The following GULP1 variants were observed in gnomAD, a reference collection of about 807,000 sequenced individuals.
GULP1 encodes PTB domain-containing engulfment adapter protein 1.
In GULP1, 19 loss-of-function variants were observed where a neutral mutation model predicts 40.9. The observed-to-expected ratio is 0.46, with a 90% CI of 0.32 to 0.68. The LOEUF (loss-of-function observed/expected upper bound fraction) is 0.68. GULP1 is among the 30% of genes least tolerant of loss of function. The pLI is 0.03. For synonymous variants in GULP1, 119 were observed against 117.6 expected, an observed-to-expected ratio of 1.01 and a Z score of -0.08; for missense variants, 312 against 362.2, an observed-to-expected ratio of 0.86 and a Z score of 1.12.
At chr2:188,315,580 G>A (rs146666392) in intron 1 of GULP1, among the ~76,000 whole-genome samples, 60 of 151,990 alleles carry the variant, frequency 3.9e-4, no homozygotes, top group African/African-American at 1.3e-3. Flanking sequence ...TGTTAAGAAA[G>A]TACAAAATAA....
At chr2:188,333,297 AAGAC>A (rs944217256) in intron 1 of GULP1, among the ~76,000 whole-genome samples, 1 of 152,062 alleles carries the variant, frequency 6.6e-6, no homozygotes, top group African/African-American at 2.4e-5. Flanking sequence ...TACAGATAGA[AAGAC>A]AGATTAGAAG....
At chr2:188,556,167 T>C (rs1316403715) in intron 7 of GULP1, among the ~76,000 whole-genome samples, 1 of 152,180 alleles carries the variant, frequency 6.6e-6, no homozygotes, top group African/African-American at 2.4e-5. Flanking sequence ...GGAACACTGA[T>C]AATTTGAATT....
intron 10 of GULP1, among the ~76,000 whole-genome samples, 165 bp from the exon 11 acceptor site, chr2:188,587,690 G>A (rs1022067425): frequency 6.6e-6 from 1 of 152,054 alleles, no homozygotes; most frequent in Non-Finnish European, 1.5e-5. Flanking sequence ...CCTTGTTAAT[G>A]TTTAACTGGT....
chr2:188,440,842 C>T (rs576813913), intron 2 of GULP1, among the ~76,000 whole-genome samples: 2 of 152,210 alleles, frequency 1.3e-5, no homozygotes, highest in East Asian at 1.9e-4. Context: ...GATAAGATTC[C>T]ACTTGTATAT....
chr2:188,466,804 G>T (rs148107573), intron 2 of GULP1, among the ~76,000 whole-genome samples: 18 of 152,074 alleles, frequency 1.2e-4, no homozygotes, highest in Non-Finnish European at 2.4e-4. Flanking sequence ...TGTCTGGTAG[G>T]TATCTCAGAA....
chr2:188,383,776 C>T lies in GULP1; in HGVS notation c.-158C>T, dbSNP rs982561474. The T allele has an allele frequency of 6.6e-6, 1 of 151,836 alleles. No homozygotes were observed. The highest frequency in any genetic ancestry group is 2.4e-5 in the African/African-American group (1 of 41,364). 9.4% of individuals were successfully genotyped at this position (151,836 alleles called of 1,614,324 possible). A position where few individuals can be genotyped will look rare whatever the true frequency, so the allele number is the denominator to read the frequency against. ...TTTTCTTTTTAGTTATTTATGATTCCATCTGATATACATAGGAGAGAAACT... is the reference window on the plus strand; with the variant it reads ...TTTTCTTTTTAGTTATTTATGATTCTATCTGATATACATAGGAGAGAAACT... On this transcript the variant is annotated 5_prime_UTR_variant, in exon 2 of 12. Coordinates refer to ENST00000409830, the MANE Select transcript of GULP1 (RefSeq NM_016315.4).
At chr2:188,591,935 G>A (rs1703641302) in intron 11 of GULP1, 1 of 151,738 alleles carries the variant, frequency 6.6e-6, no homozygotes, top group Non-Finnish European at 1.5e-5. Flanking sequence ...CACTACATAA[G>A]TAAATAAAGT....
At chr2:188,549,499 G>C (rs1051248130) in intron 7 of GULP1, among the ~76,000 whole-genome samples, 6 of 151,730 alleles carry the variant, frequency 4.0e-5, no homozygotes, top group Admixed American at 6.6e-5. Context: ...CCAAATGCTG[G>C]TAAGAATGGG....
intron 6 of GULP1, among the ~76,000 whole-genome samples, chr2:188,539,407 A>G (rs1170425694): frequency 6.6e-6 from 1 of 152,154 alleles, no homozygotes; most frequent in African/African-American, 2.4e-5. Context: ...AAAAAAAATC[A>G]ATAAGAAAGG....
rs569520075 is a variant in GULP1, at chr2:188,575,148, T to C, written c.609+5028T>C. ...AAGGTTTTATGGTGTACATTTTAGTTTTGGTTTTGGTCTTCCTAGTCCCAC... is the reference window on the plus strand; with the variant it reads ...AAGGTTTTATGGTGTACATTTTAGTCTTGGTTTTGGTCTTCCTAGTCCCAC... On this transcript the variant is annotated intron_variant, in intron 9 of 11. Transcript: ENST00000409830. Among the ~76,000 whole-genome samples, 30 of 152,278 alleles carry C rather than the reference T, an allele frequency of 2.0e-4. 1 individual carries two copies. The highest frequency in any genetic ancestry group is 6.7e-4 in the African/African-American group (28 of 41,556).
At chr2:188,307,996 A>G (rs2037401255) in intron 1 of GULP1, among the ~76,000 whole-genome samples, 1 of 110,460 alleles carries the variant, frequency 9.1e-6, no homozygotes, top group Non-Finnish European at 1.9e-5. Context: ...TCACCAGTAG[A>G]CAAGGATGAG....
chr2:188,361,543 A>G (rs1201030534), intron 1 of GULP1, among the ~76,000 whole-genome samples: 2 of 152,120 alleles, frequency 1.3e-5, no homozygotes, highest in Non-Finnish European at 2.9e-5. Context: ...GCATAAAAAG[A>G]TCATTGTGAC....
intron 2 of GULP1, among the ~76,000 whole-genome samples, chr2:188,465,481 A>T (rs2060035438): frequency 6.6e-6 from 1 of 151,922 alleles, no homozygotes; most frequent in African/African-American, 2.4e-5. Flanking sequence ...GGTTAGTGGA[A>T]AGGTGATGCC....
chr2:188,425,163 T>C (rs1283739663), intron 2 of GULP1, among the ~76,000 whole-genome samples: 3 of 152,098 alleles, frequency 2.0e-5, no homozygotes, highest in Non-Finnish European at 4.4e-5. Context: ...TACTGGATTA[T>C]CTAGTGAAAT....
At chr2:188,491,402 TG>T (rs1283999412) in intron 4 of GULP1, 9 of 152,168 alleles carry the variant, frequency 5.9e-5, no homozygotes, top group South Asian at 2.1e-4. Context: ...CAGGTGAGCA[TG>T]TTTTTTTTGT....
chr2:188,440,107 C>A (rs1198872068), intron 2 of GULP1, among the ~76,000 whole-genome samples: 2 of 152,106 alleles, frequency 1.3e-5, no homozygotes. Context: ...ATCACATTTG[C>A]TAAAATTGGG....
chr2:188,440,467 A>G (rs2057816853), intron 2 of GULP1, among the ~76,000 whole-genome samples: 1 of 152,222 alleles, frequency 6.6e-6, no homozygotes, highest in Non-Finnish European at 1.5e-5. Context: ...ATATTGTAGT[A>G]TTTCAACTTT....
chr2:188,462,785 T>G (rs1406952434), intron 2 of GULP1, among the ~76,000 whole-genome samples: 2 of 152,102 alleles, frequency 1.3e-5, no homozygotes, highest in Non-Finnish European at 1.5e-5. Context: ...ATTATATATT[T>G]TTTTGCTTTG....
In GULP1 at chr2:188,383,879, A is replaced by G. The variant is rs927130937; in HGVS notation, c.-55A>G. On this transcript the variant is annotated 5_prime_UTR_variant, in exon 2 of 12. Transcript: ENST00000409830. ...GTCCATTTTCTTTCAACTATATTTG[A>G]GCATACCCAGGTAAGAATAAATGAT... 3.9e-5 allele frequency: 6 copies of G among 152,208 alleles called. No individual in the cohort carries two copies. The highest frequency in any genetic ancestry group is 8.8e-5 in the Non-Finnish European group (6 of 68,016). The allele number at this position is 152,208 out of a possible 1,614,324, so 9.4% of individuals were successfully genotyped here.
Sources: allele counts gnomAD v4.1 joint callset (sites outside exome capture counted in the v4.1 genomes callset), GRCh38; gene constraint gnomAD v4.1.1; transcripts MANE v1.5; gene names NCBI Gene and HGNC (gene_info 2026-07-23, HGNC 2026-07-21).